Variants in IQCH observed in about 807,000 individuals in gnomAD.
IQCH encodes IQ domain-containing protein H.
A neutral mutation model predicts 117.0 loss-of-function variants in IQCH; 98 were observed. The observed-to-expected ratio is 0.84, with a 90% confidence interval of 0.71 to 0.99. IQCH has a LOEUF of 0.99. IQCH is among the 50% of genes least tolerant of loss of function. The pLI is 0.00. For missense variants in IQCH, 1,102 were observed against 1,243.8 expected (o/e 0.89, Z 1.72); for synonymous variants, 412 against 448.2 (o/e 0.92, Z 1.02).
At chr15:67,495,673 T>G (rs372012977) in intron 20 of IQCH, among the ~76,000 whole-genome samples, 377 of 152,368 alleles carry the variant, frequency 2.5e-3, no homozygotes, top group African/African-American at 8.6e-3. Flanking sequence ...GATTCTGGGC[T>G]TGTCTCGCTG....
At position 67,384,342 on chromosome 15, in the gene IQCH, A is replaced by G. The variant is rs540030660; in HGVS notation, c.1373-594A>G. Among the ~76,000 whole-genome samples, 27 of 152,302 alleles carry G rather than the reference A, an allele frequency of 1.8e-4. No homozygotes were observed. The highest frequency in any genetic ancestry group is 2.8e-4 in the Non-Finnish European group (19 of 68,030). ...CCCTTCTGCTACGTTTCCAGTGGAA[A>G]TGAAGGCAAACTGCAGGACTTTTAT... On this transcript the variant is annotated intron_variant, in intron 10 of 20. Coordinates refer to ENST00000335894, the MANE Select transcript of IQCH (RefSeq NM_001031715.3). The surrounding 1 kb of genome is among the most constrained non-coding windows in gnomAD (Gnocchi z 4.3).
chr15:67,264,493 T>C (rs1965588060), intron 3 of IQCH, among the ~76,000 whole-genome samples: 1 of 152,178 alleles, frequency 6.6e-6, no homozygotes. Context: ...AGCTCACTCA[T>C]ATAGTTACTG....
chr15:67,289,441 A>G (rs564709692), intron 4 of IQCH, among the ~76,000 whole-genome samples: 3 of 152,216 alleles, frequency 2.0e-5, no homozygotes, highest in Admixed American at 6.6e-5. Flanking sequence ...CGACTTGATC[A>G]TGGGGGATTA....
At chr15:67,294,252 T>C (rs1966840595) in intron 4 of IQCH, among the ~76,000 whole-genome samples, 1 of 152,192 alleles carries the variant, frequency 6.6e-6, no homozygotes, top group Non-Finnish European at 1.5e-5. Flanking sequence ...TTTATCACTT[T>C]TGTCTTATTG....
chr15:67,338,235 C>CTATCTATCTATT (rs145533531), intron 5 of IQCH, among the ~76,000 whole-genome samples: 22,936 of 149,550 alleles, frequency 0.15, 1,810 homozygotes, highest in African/African-American at 0.17. Flanking sequence ...ATCTATCTAT[C>CTATCTATCTATT]TATCTATCTA....
chr15:67,491,839 A>G lies in IQCH; in HGVS notation c.2861+1775A>G, dbSNP rs2083662562. Among the ~76,000 whole-genome samples, 1 of 152,040 alleles carries G rather than the reference A, an allele frequency of 6.6e-6. No individual in the cohort carries two copies. Among genetic ancestry groups the G allele is most frequent in the Non-Finnish European group, 1.5e-5 (1 of 68,014 alleles). On this transcript the variant is annotated intron_variant, in intron 19 of 20. Coordinates refer to ENST00000335894, the MANE Select transcript of IQCH (RefSeq NM_001031715.3). The surrounding 1 kb of genome is among the most constrained non-coding windows in gnomAD (Gnocchi z 4.9). ...CCAGAAAATTTGAAAGCATTTTATC[A>G]ACTGTGCCAGGCACAGTTCTAGGTG...
intron 4 of IQCH, among the ~76,000 whole-genome samples, chr15:67,284,457 G>T (rs2120837): frequency 0.67 from 102,319 of 151,948 alleles, 35,075 homozygotes; most frequent in Middle Eastern, 0.83. Flanking sequence ...TTTTTTGTTT[G>T]CTTGTTTGTT....
chr15:67,273,005 A>G (rs974558337), intron 3 of IQCH, among the ~76,000 whole-genome samples: 1 of 151,622 alleles, frequency 6.6e-6, no homozygotes, highest in Non-Finnish European at 1.5e-5. Context: ...ACTGTCTTTC[A>G]TTGTGGTTAA....
In IQCH at chr15:67,500,367, T is replaced by C. The variant is rs2083945962; in HGVS notation, c.2971-266T>C. 1.3e-5 allele frequency among the ~76,000 whole-genome samples: 2 copies of C among 152,052 alleles called. No individual in the cohort carries two copies. The highest frequency in any genetic ancestry group is 4.8e-5 in the African/African-American group (2 of 41,410). On this transcript the variant is annotated intron_variant, in intron 20 of 20. Coordinates refer to ENST00000335894, the MANE Select transcript of IQCH (RefSeq NM_001031715.3). This position sits in a 1 kb window ranked among gnomAD's most constrained non-coding sequence, Gnocchi z 4.4. ...TACTAGAAAAATACGATTAAAAAAA[T>C]TAAAGATGTACAATTTAGAAGCCCA... is the stretch of plus-strand genomic sequence containing the variant.
chr15:67,402,488 G>A (rs1971702627), intron 14 of IQCH, among the ~76,000 whole-genome samples: 1 of 152,142 alleles, frequency 6.6e-6, no homozygotes, highest in Non-Finnish European at 1.5e-5. Context: ...GAAGACCATC[G>A]TAATGGTGCA....
At chr15:67,260,018 T>A (rs181470382) in intron 1 of IQCH, among the ~76,000 whole-genome samples, 15 of 152,292 alleles carry the variant, frequency 9.8e-5, no homozygotes, top group African/African-American at 3.6e-4. Context: ...CATGTGAACA[T>A]TTGAGATTAA....
rs1969885075 is a variant in IQCH, at chr15:67,356,225, C to G, written c.638-1120C>G. Among the ~76,000 whole-genome samples, 1 of 152,106 alleles carries G rather than the reference C, an allele frequency of 6.6e-6. No individual in the cohort carries two copies. The highest frequency in any genetic ancestry group is 2.4e-5 in the African/African-American group (1 of 41,422). ...TAGAACTGAAGGCAAAAACTATACCCTTAAAATGGGGTCTTCATACACTAC... is the reference window on the plus strand; with the variant it reads ...TAGAACTGAAGGCAAAAACTATACCGTTAAAATGGGGTCTTCATACACTAC... On this transcript the variant is annotated intron_variant, in intron 6 of 20. Coordinates refer to ENST00000335894, the MANE Select transcript of IQCH (RefSeq NM_001031715.3). The surrounding 1 kb of genome is among the most constrained non-coding windows in gnomAD (Gnocchi z 5.3).
Position 67,417,157 on chromosome 15 carries a change from GT to G in IQCH, c.2218+109del. ...TAAATACTTTGCATCTCCTGTGTTG[GT>G]TTAGAAAAGTGCTCCTACGGTTTTC... On this transcript the variant is annotated intron_variant, in intron 15 of 20. Coordinates refer to ENST00000335894, the MANE Select transcript of IQCH (RefSeq NM_001031715.3). The surrounding 1 kb of genome is among the most constrained non-coding windows in gnomAD (Gnocchi z 4.3). 1 of 902,142 alleles carries G rather than the reference GT, an allele frequency of 1.1e-6. No homozygotes were observed. The highest frequency in any genetic ancestry group is 1.6e-6 in the Non-Finnish European group (1 of 633,116). 55.9% of individuals were successfully genotyped at this position (902,142 alleles called of 1,614,324 possible). A position where few individuals can be genotyped will look rare whatever the true frequency, so the allele number is the denominator to read the frequency against.
At chr15:67,449,556 A>G (rs1336673080) in intron 16 of IQCH, among the ~76,000 whole-genome samples, 1 of 152,118 alleles carries the variant, frequency 6.6e-6, no homozygotes, top group African/African-American at 2.4e-5. Flanking sequence ...ATTATTTCTG[A>G]GGGTTCTGTT....
intron 16 of IQCH, among the ~76,000 whole-genome samples, chr15:67,440,697 G>A (rs548017841): frequency 2.0e-4 from 31 of 152,170 alleles, no homozygotes; most frequent in African/African-American, 2.2e-4. Flanking sequence ...CAGCAAAATC[G>A]GCATACAAGG....
At chr15:67,275,083 A>G (rs993881722) in intron 3 of IQCH, among the ~76,000 whole-genome samples, 2 of 152,164 alleles carry the variant, frequency 1.3e-5, no homozygotes, top group African/African-American at 4.8e-5. Flanking sequence ...ACAGAGCAGA[A>G]TATCTAGGGT....
At chr15:67,434,598 T>C (rs2082089829) in intron 16 of IQCH, among the ~76,000 whole-genome samples, 2 of 152,186 alleles carry the variant, frequency 1.3e-5, no homozygotes, top group African/African-American at 4.8e-5. Flanking sequence ...AGATTTTATT[T>C]TCTTTGGCTA....
At chr15:67,442,867 TAC>T (rs1567193302) in intron 16 of IQCH, among the ~76,000 whole-genome samples, 56 of 114,454 alleles carry the variant, frequency 4.9e-4, no homozygotes, top group African/African-American at 1.8e-3. Flanking sequence ...TAGATAGATA[TAC>T]ATATATATAT....
chr15:67,455,582 C>T (rs1353121534), intron 16 of IQCH, among the ~76,000 whole-genome samples: 3 of 152,232 alleles, frequency 2.0e-5, no homozygotes, highest in African/African-American at 7.2e-5. Flanking sequence ...AGGGCCAATG[C>T]CACATGCTCA....
Sources: gnomAD v4.1 joint callset for allele counts (sites outside exome capture counted in the v4.1 genomes callset) on GRCh38, gnomAD v4.1.1 for gene constraint, Gnocchi (gnomAD v3.1) non-coding constraint, MANE v1.5 for transcripts, NCBI Gene and HGNC (gene_info 2026-07-23, HGNC 2026-07-21) for gene names.